The following SLC6A20 variants were observed in gnomAD, a reference collection of about 807,000 sequenced individuals.
The protein encoded by SLC6A20 is sodium- and chloride-dependent transporter XTRP3.
SLC6A20 carries 73 observed loss-of-function variants against 64.3 expected under a neutral mutation model. The observed-to-expected ratio is 1.14, with a 90% CI of 0.94 to 1.38. The LOEUF (loss-of-function observed/expected upper bound fraction) is 1.38. SLC6A20 is among the 40% of genes most tolerant of loss of function. SLC6A20 has a pLI of 0.00. For synonymous variants in SLC6A20, 347 were observed against 329.6 expected (o/e 1.05, Z -0.57); for missense variants, 725 against 772.8 (o/e 0.94, Z 0.73).
chr3:45,758,510 AAGAAG>A lies in SLC6A20; in HGVS notation c.*463_*467del. ...ATTGCATATTCACTACAACTCAAAA[AAGAAG>A]AGAATTAATTTTGCACCACTGACAA... is the stretch of plus-strand genomic sequence containing the variant. On this transcript the variant is annotated 3_prime_UTR_variant, in exon 11 of 11. Transcript: ENST00000358525. 2.5e-6 allele frequency: 3 copies of A among 1,186,858 alleles called. No homozygotes were observed. The highest frequency in any genetic ancestry group is 2.1e-6 in the Non-Finnish European group (2 of 940,334). 73.5% of individuals were successfully genotyped at this position (1,186,858 alleles called of 1,614,324 possible).
At chr3:45,790,773 G>T (rs900612059) in intron 1 of SLC6A20, among the ~76,000 whole-genome samples, 1 of 152,294 alleles carries the variant, frequency 6.6e-6, no homozygotes, top group Non-Finnish European at 1.5e-5. Flanking sequence ...TGCTGTCAGA[G>T]CTAAGCTCCA....
At position 45,796,475 on chromosome 3, in the gene SLC6A20, G is replaced by C. The variant is rs1700351335; in HGVS notation, c.-56C>G. Reference sequence around the variant, plus strand: ...TCGGGGGTCCGGCACGGCAGTCTCAGTGCGCGGTCGCCAGGCGCGCCGTCC... The same window carrying C: ...TCGGGGGTCCGGCACGGCAGTCTCACTGCGCGGTCGCCAGGCGCGCCGTCC... On this transcript the variant is annotated 5_prime_UTR_variant, in exon 1 of 11. Transcript: ENST00000358525. 6.5e-7 allele frequency: 1 copy of C among 1,546,238 alleles called. No homozygotes were observed. Among genetic ancestry groups the C allele is most frequent in the African/African-American group, 1.4e-5 (1 of 70,568 alleles).
chr3:45,759,797 G>C, intron 10 of SLC6A20, 60 bp downstream of exon 10: 1 of 1,539,670 alleles, frequency 6.5e-7, no homozygotes, highest in Non-Finnish European at 8.7e-7. Flanking sequence ...GAAAATGAAT[G>C]GCCCATGCTT....
intron 3 of SLC6A20, 123 bp from the exon 4 acceptor site, chr3:45,776,111 G>T (rs144395118): frequency 1.1e-6 from 1 of 923,242 alleles, no homozygotes. Flanking sequence ...TCCCCGAAGG[G>T]CAGGTGGCTG....
rs573525794 is a variant in SLC6A20 at position 45,796,445 on chromosome 3, C to A, written c.-26G>T. ...GGCCCCGGCCTCGGCGCGCTCGGCT[C>A]CGGCTCGGGGGTCCGGCACGGCAGT... On this transcript the variant is annotated 5_prime_UTR_variant, in exon 1 of 11. Coordinates refer to ENST00000358525, the MANE Select transcript of SLC6A20 (RefSeq NM_020208.4). 1 of 1,603,216 alleles carries A rather than the reference C, an allele frequency of 6.2e-7. No individual in the cohort carries two copies. Among genetic ancestry groups the A allele is most frequent in the African/African-American group, 1.4e-5 (1 of 73,676 alleles).
rs1172107548 is a variant in SLC6A20 at position 45,765,311 on chromosome 3, G to C, written c.1303+226C>G. 6.6e-6 allele frequency among the ~76,000 whole-genome samples: 1 copy of C among 152,144 alleles called. No homozygotes were observed. ...AATGTCAGGTTGGGGAGTTGGGTTG[G>C]GGTGGCCACTTCACTTCCCTGTGAT... On this transcript the variant is annotated intron_variant, in intron 8 of 10. Transcript: ENST00000358525. The surrounding 1 kb of genome is among the most constrained non-coding windows in gnomAD (Gnocchi z 4.2).
Position 45,765,518 on chromosome 3 carries a change from A to G in SLC6A20, c.1303+19T>C. On this transcript the variant is annotated intron_variant, in intron 8 of 10. Transcript: ENST00000358525. The surrounding 1 kb of genome is among the most constrained non-coding windows in gnomAD (Gnocchi z 4.2). ...GGCCCTCCTGACCCCTGCCTCCTCC[A>G]CTGGCTGGCCCCGCTGACCTGAGAT... 1 of 1,604,308 alleles carries G rather than the reference A, an allele frequency of 6.2e-7. No homozygotes were observed. The highest frequency in any genetic ancestry group is 8.5e-7 in the Non-Finnish European group (1 of 1,175,806).
chr3:45,760,716 T>A (rs1699661581), intron 9 of SLC6A20, among the ~76,000 whole-genome samples: 1 of 152,246 alleles, frequency 6.6e-6, no homozygotes, highest in Non-Finnish European at 1.5e-5. Flanking sequence ...AGCCAGTTTC[T>A]CATCGACTTG....
chr3:45,787,358 G>C (rs1443779218), intron 1 of SLC6A20, among the ~76,000 whole-genome samples: 2 of 152,106 alleles, frequency 1.3e-5, no homozygotes, highest in South Asian at 2.1e-4. Flanking sequence ...CGCCTTCTCT[G>C]TCCACCCTCA....
At chr3:45,789,952 A>C (rs1478233941) in intron 1 of SLC6A20, among the ~76,000 whole-genome samples, 3 of 152,116 alleles carry the variant, frequency 2.0e-5, no homozygotes, top group Non-Finnish European at 4.4e-5. Context: ...CTCACACCAT[A>C]TGTTATTCTA....
chr3:45,755,997 G>A lies in SLC6A20; in HGVS notation c.*2981C>T, dbSNP rs1699535077. Reference sequence around the variant, plus strand: ...CCATGTTCTTTCTTTTTTAAATGGGGCCTCTCAGATTTGGCTGCACATCGG... The same window carrying A: ...CCATGTTCTTTCTTTTTTAAATGGGACCTCTCAGATTTGGCTGCACATCGG... On this transcript the variant is annotated 3_prime_UTR_variant, in exon 11 of 11. Transcript: ENST00000358525. The A allele has an allele frequency of 1.3e-5, 2 of 152,084 alleles. No homozygotes were observed. Among genetic ancestry groups the A allele is most frequent in the South Asian group, 2.1e-4 (1 of 4,818 alleles). The allele number at this position is 152,084 out of a possible 1,614,324, so 9.4% of individuals were successfully genotyped here.
At chr3:45,788,369 C>T (rs1334069079) in intron 1 of SLC6A20, among the ~76,000 whole-genome samples, 3 of 152,098 alleles carry the variant, frequency 2.0e-5, no homozygotes, top group Non-Finnish European at 4.4e-5. Context: ...CAAACCCAAG[C>T]GCTACTCTAT....
Position 45,775,985 on chromosome 3 carries a change from G to A in SLC6A20, c.358C>T (p.Pro120Ser). 1.2e-6 allele frequency: 2 copies of A among 1,614,082 alleles called. No individual in the cohort carries two copies. The highest frequency in any genetic ancestry group is 1.7e-6 in the Non-Finnish European group (2 of 1,179,932). ...AGTGGGCAGACAGACCACGGCAGGG[G>A]ATCCTGTGGGACCAAAGCAAGTGTT... is the stretch of plus-strand genomic sequence containing the variant. ...FWYLFHSFQD[P>S]LPWSVCPLNG... is the part of the protein sequence containing the mutation. Residue 120 changes from proline (P) to serine (S), a missense_variant, in exon 4 of 11, where the codon CCC (proline) becomes TCC (serine). Coordinates refer to ENST00000358525, the MANE Select transcript of SLC6A20 (RefSeq NM_020208.4).
chr3:45,776,825 G>A (rs766044992), intron 3 of SLC6A20, among the ~76,000 whole-genome samples: 6 of 152,220 alleles, frequency 3.9e-5, no homozygotes, highest in African/African-American at 9.7e-5. Context: ...TGCATTTGGC[G>A]GGGCTCCAAG....
Position 45,758,313 on chromosome 3 carries a change from T to C in SLC6A20, c.*665A>G, listed in dbSNP as rs1259478811. ...GAGGGATGTCTGCACAGACTTCTAA[T>C]GTGGTTTGGGGTTGCAAACTGTAGT... is the stretch of plus-strand genomic sequence containing the variant. On this transcript the variant is annotated 3_prime_UTR_variant, in exon 11 of 11. Transcript: ENST00000358525. 3 of 601,450 alleles carry C rather than the reference T, an allele frequency of 5.0e-6. No homozygotes were observed. The highest frequency in any genetic ancestry group is 7.8e-6 in the Non-Finnish European group (3 of 386,378). 37.3% of individuals were successfully genotyped at this position (601,450 alleles called of 1,614,324 possible).
At chr3:45,760,397 C>A (rs1313148505) in intron 9 of SLC6A20, among the ~76,000 whole-genome samples, 1 of 152,240 alleles carries the variant, frequency 6.6e-6, no homozygotes, top group African/African-American at 2.4e-5. Context: ...ACAGGGACTT[C>A]TTGGGCGGCT....
chr3:45,780,719 C>T (rs1179572728), intron 2 of SLC6A20, among the ~76,000 whole-genome samples: 2 of 109,834 alleles, frequency 1.8e-5, no homozygotes, highest in East Asian at 4.9e-4. Flanking sequence ...GGCTCTGGGG[C>T]TGGCCCACAC....
intron 2 of SLC6A20, 121 bp from the exon 3 acceptor site, chr3:45,780,221 C>T (rs866877322): frequency 1.2e-6 from 1 of 802,428 alleles, no homozygotes; most frequent in Middle Eastern, 3.4e-4. Flanking sequence ...AGGCCTCCCT[C>T]CACCAGGTTT....
intron 8 of SLC6A20, among the ~76,000 whole-genome samples, chr3:45,763,885 G>A (rs1246574778): frequency 1.3e-5 from 2 of 152,148 alleles, no homozygotes; most frequent in South Asian, 2.1e-4. Context: ...CTGCTATCCC[G>A]ACGGGGACAC....
Sources: allele counts gnomAD v4.1 joint callset (sites outside exome capture counted in the v4.1 genomes callset), GRCh38; gene constraint gnomAD v4.1.1; non-coding constraint Gnocchi (gnomAD v3.1); transcripts MANE v1.5; gene names NCBI Gene and HGNC (gene_info 2026-07-23, HGNC 2026-07-21).